The following THSD4 variants were observed in gnomAD, a reference collection of about 807,000 sequenced individuals.
THSD4 encodes the protein thrombospondin type 1 domain containing 4.
Under a neutral mutation model 119.0 loss-of-function variants are expected in THSD4, and 69 were observed. The ratio of observed to expected loss-of-function variants is 0.58; its 90% CI spans 0.48 to 0.71. THSD4 has a LOEUF of 0.71. THSD4 is among the 30% of genes least tolerant of loss of function. The pLI, the probability that THSD4 is intolerant of heterozygous loss-of-function variation, is 0.00. For synonymous variants in THSD4, 524 were observed against 540.4 expected (o/e 0.97, Z 0.42); for missense variants, 1,393 against 1,391.1 (o/e 1.00, Z -0.02).
intron 7 of THSD4, among the ~76,000 whole-genome samples, chr15:71,470,888 G>A (rs187597552): frequency 1.3e-5 from 2 of 152,080 alleles, no homozygotes; most frequent in Non-Finnish European, 2.9e-5. Context: ...ACCCGCCTCG[G>A]CCTCCCAAAG....
chr15:71,421,936 T>C (rs1408198442), intron 7 of THSD4, among the ~76,000 whole-genome samples: 1 of 152,234 alleles, frequency 6.6e-6, no homozygotes, highest in Non-Finnish European at 1.5e-5. Context: ...TTCTGCCTGA[T>C]CAGTTCTGCT....
At chr15:71,706,307 C>T (rs1595878883) in intron 8 of THSD4, among the ~76,000 whole-genome samples, 1 of 152,070 alleles carries the variant, frequency 6.6e-6, no homozygotes, top group Admixed American at 6.5e-5. Context: ...GGTCTCCAGC[C>T]TGATGACTGG....
intron 7 of THSD4, among the ~76,000 whole-genome samples, chr15:71,649,418 GTGCCCACCAACA>G: frequency 6.6e-6 from 1 of 152,180 alleles, no homozygotes; most frequent in South Asian, 2.1e-4. Flanking sequence ...GGGATTACAG[GTGCCCACCAACA>G]TGCCTGGCTA....
intron 8 of THSD4, among the ~76,000 whole-genome samples, chr15:71,712,547 A>AT (rs2052537521): frequency 1.3e-5 from 2 of 152,230 alleles, no homozygotes; most frequent in South Asian, 4.1e-4. Flanking sequence ...GGAGGAAACA[A>AT]TAAAAACAAG....
At chr15:71,348,169 C>T (rs1022860157) in intron 6 of THSD4, 1 of 152,204 alleles carries the variant, frequency 6.6e-6, no homozygotes, top group African/African-American at 2.4e-5. Context: ...CTGGGAATCT[C>T]AGTTCCAGGT....
intron 6 of THSD4, among the ~76,000 whole-genome samples, chr15:71,354,176 G>A (rs1297088041): frequency 2.6e-5 from 4 of 152,204 alleles, no homozygotes; most frequent in Non-Finnish European, 5.9e-5. Flanking sequence ...TTTACCTGTA[G>A]TCCCTGCTAT....
At chr15:71,739,578 T>G (rs1223341432) in intron 11 of THSD4, among the ~76,000 whole-genome samples, 1 of 152,214 alleles carries the variant, frequency 6.6e-6, no homozygotes, top group African/African-American at 2.4e-5. Flanking sequence ...ATGCTGCTTC[T>G]GTTTCAAGCT....
intron 7 of THSD4, among the ~76,000 whole-genome samples, chr15:71,437,693 C>G (rs970162499): frequency 6.6e-6 from 1 of 152,136 alleles, no homozygotes; most frequent in East Asian, 1.9e-4. Context: ...GTACATGGGT[C>G]CCTTTACATG....
At chr15:71,611,576 T>C (rs943304050) in intron 7 of THSD4, among the ~76,000 whole-genome samples, 4 of 152,186 alleles carry the variant, frequency 2.6e-5, no homozygotes, top group Non-Finnish European at 5.9e-5. Flanking sequence ...GAGCTCCCAG[T>C]CTAGACATAG....
At chr15:71,199,141 C>A (rs995679323) in intron 3 of THSD4, among the ~76,000 whole-genome samples, 24 of 152,176 alleles carry the variant, frequency 1.6e-4, no homozygotes, top group Admixed American at 8.5e-4. Flanking sequence ...CTCAGGGATA[C>A]CACTCGGGGT....
At chr15:71,476,263 G>C (rs1010384951) in intron 7 of THSD4, among the ~76,000 whole-genome samples, 1 of 151,790 alleles carries the variant, frequency 6.6e-6, no homozygotes, top group Non-Finnish European at 1.5e-5. Flanking sequence ...GCAGAGTCTC[G>C]TGCTATCACC....
chr15:71,122,588 T>C (rs2040417631), intron 1 of THSD4, among the ~76,000 whole-genome samples: 1 of 152,244 alleles, frequency 6.6e-6, no homozygotes, highest in African/African-American at 2.4e-5. Context: ...CTCCTTGATA[T>C]CGGCTTATGT....
chr15:71,243,491 T>C (rs1354186881), intron 5 of THSD4, among the ~76,000 whole-genome samples: 1 of 152,168 alleles, frequency 6.6e-6, no homozygotes, highest in Non-Finnish European at 1.5e-5. Flanking sequence ...CTAGGTATTG[T>C]AGCATGAAGA....
At chr15:71,411,606 A>C (rs536592521) in intron 6 of THSD4, 81 bp from the exon 7 acceptor site, 1 of 1,441,274 alleles carries the variant, frequency 6.9e-7, no homozygotes, top group African/African-American at 1.4e-5. Flanking sequence ...AATTATAGGA[A>C]GAAAAAAGGT....
rs140017255 is a variant in THSD4, at chr15:71,195,001, A to T, written c.100-20034A>T. ...ACGGGGCTGGGACCATGTCTGTCAT[A>T]GTCCACCATGTGGAATGGGCCCTCC... On this transcript the variant is annotated intron_variant, in intron 3 of 17. Transcript: ENST00000261862. 8.2e-3 allele frequency among the ~76,000 whole-genome samples: 1,249 copies of T among 152,142 alleles called. 9 individuals are homozygous for T. Among genetic ancestry groups the T allele is most frequent in the Non-Finnish European group, 0.013 (853 of 67,992 alleles).
At chr15:71,109,414 T>C (rs1451557500) in intron 1 of THSD4, among the ~76,000 whole-genome samples, 2 of 152,204 alleles carry the variant, frequency 1.3e-5, no homozygotes, top group Non-Finnish European at 2.9e-5. Flanking sequence ...TTTTCCCAGA[T>C]GGATCCAAAA....
At chr15:71,751,990 A>C (rs1230628931) in intron 14 of THSD4, among the ~76,000 whole-genome samples, 3 of 152,190 alleles carry the variant, frequency 2.0e-5, no homozygotes, top group Non-Finnish European at 2.9e-5. Context: ...TTGAACTCTT[A>C]ATACATTTTA....
At chr15:71,515,439 T>C (rs1023852617) in intron 7 of THSD4, among the ~76,000 whole-genome samples, 1 of 152,166 alleles carries the variant, frequency 6.6e-6, no homozygotes, top group Non-Finnish European at 1.5e-5. Flanking sequence ...TCAGAGTACC[T>C]GGGTTTCAGG....
At chr15:71,397,041 T>TA (rs2046463441) in intron 6 of THSD4, among the ~76,000 whole-genome samples, 2 of 152,344 alleles carry the variant, frequency 1.3e-5, no homozygotes, top group South Asian at 4.1e-4. Context: ...CCCAGGACTC[T>TA]AGACAAGTTT....
Sources: gnomAD v4.1 joint callset for allele counts (sites outside exome capture counted in the v4.1 genomes callset) on GRCh38, gnomAD v4.1.1 for gene constraint, MANE v1.5 for transcripts, NCBI Gene and HGNC (gene_info 2026-07-23, HGNC 2026-07-21) for gene names.